The following BTBD2 variants were observed in gnomAD, a reference collection of about 807,000 sequenced individuals.
BTBD2 encodes BTB domain containing 2, also known as BTB/POZ domain-containing protein 2.
In BTBD2, 15 loss-of-function variants were observed where a neutral mutation model predicts 44.0. The ratio of observed to expected loss-of-function variants is 0.34; its 90% confidence interval spans 0.23 to 0.53. The LOEUF is 0.53. Ranked by LOEUF, BTBD2 falls within the 20% of genes least tolerant of loss-of-function variation. The probability of loss-of-function intolerance (pLI) is 0.95; values close to 1 mark genes in which losing one functional copy is unlikely to be tolerated. For synonymous variants in BTBD2, 443 were observed against 335.9 expected (o/e 1.32, Z -3.49); for missense variants, 657 against 746.4 (o/e 0.88, Z 1.39).
chr19:2,007,772 G>A (rs1051582725), intron 1 of BTBD2, among the ~76,000 whole-genome samples: 18 of 152,226 alleles, frequency 1.2e-4, no homozygotes, highest in East Asian at 7.7e-4. Context: ...GCTTTGCAGC[G>A]AGCCAAGATC....
rs762131393 is a variant in BTBD2 at position 1,986,962 on chromosome 19, A to C, written c.1284T>G (p.Asp428Glu). The C allele has an allele frequency of 6.2e-7, 1 of 1,612,398 alleles. No individual in the cohort carries two copies. Among genetic ancestry groups the C allele is most frequent in the Non-Finnish European group, 8.5e-7 (1 of 1,179,282 alleles). ...YQVNIQIIHTDSNTVLGQNDT... is the reference protein window; with the variant it reads ...YQVNIQIIHTESNTVLGQNDT... ...CGTTCTGGCCCAAGACGGTGTTGCT[A>C]TCGGTGTGAATAATCTGCGGGGAGG... The change falls in exon 8 of 9, where the codon GAT (aspartate) becomes GAG (glutamate). Residue 428 changes from aspartate (D) to glutamate (E), a missense_variant. By Grantham distance (45) the Asp-to-Glu change is conservative. Around this residue, in one of 3 missense-constraint regions of BTBD2, gnomAD observed 449 missense variants for 510.9 expected, o/e 0.88. Transcript: ENST00000255608.
chr19:2,008,147 G>C (rs2016417957), intron 1 of BTBD2, among the ~76,000 whole-genome samples: 1 of 151,942 alleles, frequency 6.6e-6, no homozygotes. Flanking sequence ...TGGGATTACA[G>C]GCACCTGCCA....
intron 1 of BTBD2, among the ~76,000 whole-genome samples, chr19:2,007,413 T>C (rs2016408296): frequency 6.6e-6 from 1 of 152,178 alleles, no homozygotes; most frequent in Admixed American, 6.6e-5. Context: ...GCCAAAAATA[T>C]TTACTATCTG....
chr19:2,003,967 C>T (rs910644014), intron 1 of BTBD2, among the ~76,000 whole-genome samples: 2 of 151,910 alleles, frequency 1.3e-5, no homozygotes, highest in African/African-American at 4.8e-5. Flanking sequence ...CAAGGAAATT[C>T]CTTGCAGACA....
chr19:2,004,831 A>AT (rs1050793677), intron 1 of BTBD2, among the ~76,000 whole-genome samples: 3 of 149,268 alleles, frequency 2.0e-5, no homozygotes, highest in Non-Finnish European at 4.5e-5. Flanking sequence ...AAAAATTATT[A>AT]TTTTTTTTTA....
chr19:1,999,889 G>A (rs1009851885), intron 1 of BTBD2, among the ~76,000 whole-genome samples: 10 of 151,668 alleles, frequency 6.6e-5, no homozygotes, highest in African/African-American at 2.4e-4. Flanking sequence ...TTGAACCCGG[G>A]AGGCGGAGGT....
chr19:1,991,977 T>C (rs1255952845), intron 3 of BTBD2: 1 of 151,684 alleles, frequency 6.6e-6, no homozygotes, highest in African/African-American at 2.4e-5. Flanking sequence ...CCAGCTACTG[T>C]GGAGGCTGAG....
At position 2,015,365 on chromosome 19, in the gene BTBD2, GT is replaced by G; in HGVS notation, c.338del (p.Asn113ThrfsTer78). On this transcript the variant is annotated frameshift_variant, in exon 1 of 9. Coordinates refer to ENST00000255608, the MANE Select transcript of BTBD2 (RefSeq NM_017797.4). LOFTEE classifies it high-confidence loss of function. ...VQERFAFLFNNEVLCDVHFLV... is the reference protein window; with the variant it reads ...VQERFAFLFNXEVLCDVHFLV... ...GGAAGTGCACGTCGCACAGCACCTC[GT>G]TGTTGAAGAGGAAGGCGAAGCGCTC... The G allele has an allele frequency of 6.3e-7, 1 of 1,585,158 alleles. No individual in the cohort carries two copies. Among genetic ancestry groups the G allele is most frequent in the Non-Finnish European group, 8.5e-7 (1 of 1,173,042 alleles).
chr19:1,992,600 C>A (rs1459893645), intron 3 of BTBD2, among the ~76,000 whole-genome samples: 1 of 151,804 alleles, frequency 6.6e-6, no homozygotes, highest in Non-Finnish European at 1.5e-5. Flanking sequence ...CAGGTGGAGT[C>A]TCGCTCTGTC....
chr19:1,993,995 CAAAAAAAAAAAAAAAAAA>C (rs542137742), intron 2 of BTBD2, among the ~76,000 whole-genome samples: 527 of 24,978 alleles, frequency 0.021, 12 homozygotes, highest in African/African-American at 0.073. Context: ...GAATCCGTCT[CAAAAAAAAAAAAAAAAAA>C]AAAAAAAAAA....
chr19:2,000,261 C>T (rs1408001351), intron 1 of BTBD2, among the ~76,000 whole-genome samples: 1 of 150,998 alleles, frequency 6.6e-6, no homozygotes, highest in Non-Finnish European at 1.5e-5. Flanking sequence ...CCTCAAGGGC[C>T]CAGGCCTCAG....
At chr19:2,005,669 C>T (rs1445121815) in intron 1 of BTBD2, among the ~76,000 whole-genome samples, 1 of 151,434 alleles carries the variant, frequency 6.6e-6, no homozygotes, top group Non-Finnish European at 1.5e-5. Context: ...GTAATCCCAG[C>T]TACTAAGGAG....
At chr19:2,005,703 A>C (rs8100156) in intron 1 of BTBD2, among the ~76,000 whole-genome samples, 28,696 of 150,618 alleles carry the variant, frequency 0.19, 3,021 homozygotes, top group East Asian at 0.3. Flanking sequence ...AATCGCTTGA[A>C]CCTGGGAGGC....
At chr19:1,999,776 A>G (rs2145636633) in intron 1 of BTBD2, among the ~76,000 whole-genome samples, 1 of 152,186 alleles carries the variant, frequency 6.6e-6, no homozygotes, top group Non-Finnish European at 1.5e-5. Context: ...AGCCTGGCCA[A>G]CATGGTGAAA....
intron 1 of BTBD2, among the ~76,000 whole-genome samples, chr19:2,001,166 C>T (rs1457729119): frequency 6.6e-6 from 1 of 151,924 alleles, no homozygotes; most frequent in African/African-American, 2.4e-5. Flanking sequence ...CACCTGTAGT[C>T]CCAGCTACTC....
At chr19:1,995,898 G>A (rs934791926) in intron 2 of BTBD2, among the ~76,000 whole-genome samples, 4 of 151,414 alleles carry the variant, frequency 2.6e-5, no homozygotes, top group South Asian at 2.1e-4. Context: ...CTCGTGATCC[G>A]CCCATCTCAG....
chr19:2,010,578 C>T (rs2016451835), intron 1 of BTBD2, among the ~76,000 whole-genome samples: 1 of 152,162 alleles, frequency 6.6e-6, no homozygotes, highest in Non-Finnish European at 1.5e-5. Flanking sequence ...CCCGGCCCCT[C>T]TCTGCTCATC....
At chr19:2,005,895 C>T (rs2016388526) in intron 1 of BTBD2, among the ~76,000 whole-genome samples, 1 of 151,996 alleles carries the variant, frequency 6.6e-6, no homozygotes, top group Non-Finnish European at 1.5e-5. Flanking sequence ...TCAAGACCAG[C>T]CTGAGCAACA....
In BTBD2 at chr19:1,990,759, C is replaced by G. The variant is rs1485755325; in HGVS notation, c.748G>C (p.Ala250Pro). 7.5e-6 allele frequency: 12 copies of G among 1,602,990 alleles called. No homozygotes were observed. The highest frequency in any genetic ancestry group is 4.0e-5 in the African/African-American group (3 of 74,618). Residue 250 changes from alanine to proline, a missense_variant, in exon 4 of 9, where the codon GCA (alanine) becomes CCA (proline). This residue lies in a region of BTBD2 where 449 missense variants were observed against 510.9 expected (regional missense o/e 0.88). Transcript: ENST00000255608. The part of the protein sequence containing the change: ...LCLENIDKNT[A>P]DAITAEGFTD... Reference sequence around the variant, plus strand: ...AAGCCCTCCGCGGTGATGGCGTCTGCAGTGTTTTTGTCGATGTTCTCCAGG... The same window carrying G: ...AAGCCCTCCGCGGTGATGGCGTCTGGAGTGTTTTTGTCGATGTTCTCCAGG...
Sources: allele counts gnomAD v4.1 joint callset (sites outside exome capture counted in the v4.1 genomes callset), GRCh38; gene constraint gnomAD v4.1.1; regional missense constraint gnomAD v4.1.1; transcripts MANE v1.5; gene names NCBI Gene and HGNC (gene_info 2026-07-23, HGNC 2026-07-21).